DENND2C: variants seen among roughly 807,000 people sequenced by gnomAD.
DENND2C encodes DENN domain containing 2C, also known as DENN domain-containing protein 2C.
A neutral mutation model predicts 112.4 loss-of-function variants in DENND2C; 72 were observed. The observed-to-expected ratio is 0.64, with a 90% confidence interval of 0.53 to 0.78. The LOEUF is 0.78. Ranked by LOEUF, DENND2C falls within the 30% of genes least tolerant of loss-of-function variation. The pLI is 0.00. For synonymous variants in DENND2C, 329 were observed against 381.6 expected, an observed-to-expected ratio of 0.86 and a Z score of 1.61; for missense variants, 992 against 1,113.8, an observed-to-expected ratio of 0.89 and a Z score of 1.56.
At chr1:114,664,421 T>C (rs547452147) in intron 1 of DENND2C, among the ~76,000 whole-genome samples, 1 of 152,084 alleles carries the variant, frequency 6.6e-6, no homozygotes, top group Non-Finnish European at 1.5e-5. Context: ...AAGATCAGAA[T>C]GGGCAACACA....
chr1:114,654,172 C>A (rs1396186411), intron 2 of DENND2C, among the ~76,000 whole-genome samples: 2 of 152,156 alleles, frequency 1.3e-5, no homozygotes, highest in East Asian at 3.9e-4. Flanking sequence ...GTGGCTCATG[C>A]CTGTAATCTC....
intron 3 of DENND2C, among the ~76,000 whole-genome samples, chr1:114,632,549 TCA>T (rs1204522376): frequency 1.3e-5 from 2 of 152,184 alleles, no homozygotes; most frequent in Non-Finnish European, 2.9e-5. Context: ...AAAAATGCTT[TCA>T]GTTAAACATA....
chr1:114,606,101 G>A (rs568977137), intron 10 of DENND2C, among the ~76,000 whole-genome samples: 1 of 152,256 alleles, frequency 6.6e-6, no homozygotes, highest in South Asian at 2.1e-4. Flanking sequence ...TTGTTGAGAA[G>A]GAGGTCTTGC....
At chr1:114,639,645 T>C (rs779789588) in intron 3 of DENND2C, among the ~76,000 whole-genome samples, 2 of 152,086 alleles carry the variant, frequency 1.3e-5, no homozygotes, top group Non-Finnish European at 2.9e-5. Context: ...AATTTTCTAT[T>C]TGGTTCTTTT....
chr1:114,598,285 A>C (rs1655397813), intron 16 of DENND2C, among the ~76,000 whole-genome samples: 1 of 152,208 alleles, frequency 6.6e-6, no homozygotes. Context: ...TCCTATATAC[A>C]ATTAGAATGA....
chr1:114,640,714 G>T (rs189108746), intron 3 of DENND2C, among the ~76,000 whole-genome samples: 315 of 152,262 alleles, frequency 2.1e-3, no homozygotes, highest in Non-Finnish European at 2.9e-3. Context: ...GAAACTGTTC[G>T]GAAACCCGAA....
intron 3 of DENND2C, among the ~76,000 whole-genome samples, chr1:114,638,998 C>A (rs1186820887): frequency 6.6e-6 from 1 of 151,912 alleles, no homozygotes; most frequent in Non-Finnish European, 1.5e-5. Context: ...AAAAGTCAAA[C>A]AACACAACTA....
intron 3 of DENND2C, among the ~76,000 whole-genome samples, chr1:114,637,459 T>C (rs564158096): frequency 6.6e-6 from 1 of 150,918 alleles, no homozygotes; most frequent in Non-Finnish European, 1.5e-5. Context: ...TAATGTGGAG[T>C]AAAAAATAAA....
Position 114,623,579 on chromosome 1 carries a change from C to T in DENND2C, c.871G>A (p.Glu291Lys). Residue 291 changes from glutamate to lysine, a missense_variant, in exon 5 of 21, where the codon GAA becomes AAA. Coordinates refer to ENST00000393274, the MANE Select transcript of DENND2C (RefSeq NM_001256404.2). ...RNRNSQTIREELGRNSGSALY... is the reference protein window; with the variant it reads ...RNRNSQTIREKLGRNSGSALY... ...GCTGACCCAGAATTTCTTCCAAGTT[C>T]TTCACGAATCGTCTGTGAGTTCCGA... 1.9e-6 allele frequency: 3 copies of T among 1,609,940 alleles called. No homozygotes were observed. Among genetic ancestry groups the T allele is most frequent in the Non-Finnish European group, 2.5e-6 (3 of 1,178,098 alleles).
At chr1:114,636,608 A>G (rs1185693501) in intron 3 of DENND2C, among the ~76,000 whole-genome samples, 1 of 152,218 alleles carries the variant, frequency 6.6e-6, no homozygotes, top group Admixed American at 6.5e-5. Flanking sequence ...TGAGAGGTCG[A>G]GGCTGCAGTG....
intron 12 of DENND2C, among the ~76,000 whole-genome samples, chr1:114,601,866 C>T (rs535862006): frequency 2.3e-3 from 353 of 152,246 alleles, no homozygotes; most frequent in Non-Finnish European, 3.8e-3. Context: ...CAAATATATC[C>T]AGACTGAGAT....
At chr1:114,612,970 A>C (rs1001127437) in intron 8 of DENND2C, among the ~76,000 whole-genome samples, 1 of 152,166 alleles carries the variant, frequency 6.6e-6, no homozygotes, top group African/African-American at 2.4e-5. Context: ...CAACATTTTA[A>C]ATCCATATGT....
intron 15 of DENND2C, 36 bp from the exon 16 acceptor site, chr1:114,599,487 G>GC: frequency 6.6e-7 from 1 of 1,516,192 alleles, no homozygotes; most frequent in South Asian, 1.3e-5. Context: ...GTCATATATA[G>GC]AGTAACATAA....
At chr1:114,626,262 C>A in intron 3 of DENND2C, 74 bp from the exon 4 acceptor site, 1 of 325,672 alleles carries the variant, frequency 3.1e-6, no homozygotes, top group Admixed American at 4.5e-5. Context: ...AAACATTGCC[C>A]ACCTATCCCT....
At position 114,600,976 on chromosome 1, in the gene DENND2C, GTTATT is replaced by G; in HGVS notation, c.1816-21_1816-17del. ...CATCCAGAATCTATATACGCAAAGT[GTTATT>G]TTATTATGGACTAAGTTAAAAAATA... On this transcript the variant is annotated splice_polypyrimidine_tract_variant and intron_variant, in intron 13 of 20. Coordinates refer to ENST00000393274, the MANE Select transcript of DENND2C (RefSeq NM_001256404.2). 6.2e-7 allele frequency: 1 copy of G among 1,605,394 alleles called. No homozygotes were observed. Among genetic ancestry groups the G allele is most frequent in the Non-Finnish European group, 8.5e-7 (1 of 1,175,744 alleles).
At chr1:114,626,615 G>T (rs1368975662) in intron 3 of DENND2C, among the ~76,000 whole-genome samples, 3 of 148,208 alleles carry the variant, frequency 2.0e-5, no homozygotes, top group African/African-American at 7.5e-5. Flanking sequence ...GGGTTCAAGT[G>T]ATCTTCCCCC....
chr1:114,614,623 T>C (rs1284675354), intron 8 of DENND2C, among the ~76,000 whole-genome samples: 3 of 152,196 alleles, frequency 2.0e-5, no homozygotes, highest in African/African-American at 7.2e-5. Context: ...AACAAATTTT[T>C]GGCTCTTCAA....
chr1:114,652,775 G>A (rs1038123158), intron 2 of DENND2C, among the ~76,000 whole-genome samples: 14 of 150,536 alleles, frequency 9.3e-5, no homozygotes, highest in Non-Finnish European at 1.5e-4. Flanking sequence ...TTGAACTCCC[G>A]GGCTCAAGTG....
intron 8 of DENND2C, among the ~76,000 whole-genome samples, chr1:114,611,382 T>G (rs1320395817): frequency 2.3e-5 from 3 of 132,300 alleles, no homozygotes; most frequent in African/African-American, 9.0e-5. Flanking sequence ...TTCTAGAAAC[T>G]AATTGCATTT....
Sources: allele counts gnomAD v4.1 joint callset (sites outside exome capture counted in the v4.1 genomes callset), GRCh38; gene constraint gnomAD v4.1.1; transcripts MANE v1.5; gene names NCBI Gene and HGNC (gene_info 2026-07-23, HGNC 2026-07-21).